The following OTUD4 variants were observed in gnomAD, a reference collection of about 807,000 sequenced individuals.
OTUD4 encodes the protein OTU domain-containing protein 4.
In OTUD4, 24 loss-of-function variants were observed where a neutral mutation model predicts 130.4. The ratio of observed to expected loss-of-function variants is 0.18; its 90% CI spans 0.13 to 0.26. OTUD4 has a LOEUF of 0.26. OTUD4 is among the 10% of genes least tolerant of loss of function. The pLI, the probability that OTUD4 is intolerant of heterozygous loss-of-function variation, is 1.00. For missense variants in OTUD4, 1,031 were observed against 1,329.4 expected (o/e 0.78, Z 3.49); for synonymous variants, 420 against 472.5 (o/e 0.89, Z 1.44).
chr4:145,167,835 G>A (rs370347772), intron 3 of OTUD4, among the ~76,000 whole-genome samples: 11 of 152,186 alleles, frequency 7.2e-5, no homozygotes, highest in South Asian at 2.1e-4. Context: ...TCCAGCCTGC[G>A]TATTAAGAGT....
chr4:145,144,065 C>A (rs1750708374), intron 15 of OTUD4, 64 bp from the exon 16 acceptor site: 3 of 1,337,938 alleles, frequency 2.2e-6, no homozygotes, highest in African/African-American at 2.9e-5. Flanking sequence ...CACAGAAGAA[C>A]AAAATACGAA....
intron 5 of OTUD4, among the ~76,000 whole-genome samples, chr4:145,163,702 C>CT (rs1560993459): frequency 2.9e-5 from 4 of 139,664 alleles, no homozygotes; most frequent in African/African-American, 1.1e-4. Context: ...TTAATAGGAA[C>CT]CTTTTTTTTT....
At chr4:145,171,380 T>C in intron 3 of OTUD4, 1 of 267,068 alleles carries the variant, frequency 3.7e-6, no homozygotes, top group Non-Finnish European at 6.9e-6. Flanking sequence ...CACACCAACG[T>C]AGCATTCTGA....
rs1158256425 is a variant in OTUD4 at position 145,180,087 on chromosome 4, C to T, written c.-114G>A. 8.2e-6 allele frequency: 7 copies of T among 856,028 alleles called. No individual in the cohort carries two copies. The South Asian group carries it at 2.1e-4, about 26-fold the overall frequency. 53.0% of individuals were successfully genotyped at this position (856,028 alleles called of 1,614,324 possible). ...GCGGCGGCTCGGGCTGGGGCTCGGG[C>T]TCCGCGAGCGGCGGCAGGCGGCGGC... On this transcript the variant is annotated 5_prime_UTR_variant, in exon 1 of 21. Transcript: ENST00000447906.
intron 13 of OTUD4, among the ~76,000 whole-genome samples, chr4:145,150,219 G>A (rs920962344): frequency 5.3e-5 from 8 of 152,060 alleles, no homozygotes; most frequent in African/African-American, 1.9e-4. Flanking sequence ...CATATTACAA[G>A]CCACCAGAAA....
At chr4:145,152,487 G>T in intron 11 of OTUD4, 54 bp downstream of exon 11, 1 of 954,094 alleles carries the variant, frequency 1.0e-6, no homozygotes, top group Non-Finnish European at 1.7e-6. Context: ...AAATGCTCAT[G>T]ATTAGGCTAA....
At position 145,164,289 on chromosome 4, in the gene OTUD4, T is replaced by A. The variant is rs1451102267; in HGVS notation, c.342-63A>T. 3 of 776,106 alleles carry A rather than the reference T, an allele frequency of 3.9e-6. No homozygotes were observed. The East Asian group carries it at 8.5e-5, about 22-fold the overall frequency. 48.1% of individuals were successfully genotyped at this position (776,106 alleles called of 1,614,324 possible). ...TACTTCATGAATTTGAATTTAATCA[T>A]TCATTCATTCATCAAGGGCCTAATA... On this transcript the variant is annotated intron_variant, in intron 4 of 20. Coordinates refer to ENST00000447906, the MANE Select transcript of OTUD4 (RefSeq NM_001366057.1).
In OTUD4 at chr4:145,150,901, T is replaced by G. The variant is rs1280480565; in HGVS notation, c.973A>C (p.Thr325Pro). 6.2e-7 allele frequency: 1 copy of G among 1,608,638 alleles called. No homozygotes were observed. The highest frequency in any genetic ancestry group is 8.5e-7 in the Non-Finnish European group (1 of 1,176,380). Reference sequence around the variant, plus strand: ...GGAGGTGCCTTGAGGTTCTTTGATGTGTGCCTTCAAAGGGGAAAAGACTTG... The same window carrying G: ...GGAGGTGCCTTGAGGTTCTTTGATGGGTGCCTTCAAAGGGGAAAAGACTTG... ...VLVEELGKKH[T>P]SKNLKAPPPE... The change falls in exon 12 of 21, where the codon ACA becomes CCA. Residue 325 changes from threonine to proline, a missense_variant. Physicochemically the swap from Thr to Pro is conservative, Grantham distance 38. Coordinates refer to ENST00000447906, the MANE Select transcript of OTUD4 (RefSeq NM_001366057.1).
At chr4:145,149,502 G>A (rs940538113) in intron 13 of OTUD4, 2 of 152,148 alleles carry the variant, frequency 1.3e-5, no homozygotes, top group Non-Finnish European at 2.9e-5. Context: ...TCTTGAAGAC[G>A]CTACATAAAA....
chr4:145,179,546 A>G, intron 1 of OTUD4: 3 of 1,176,054 alleles, frequency 2.6e-6, no homozygotes, highest in South Asian at 1.9e-5. Flanking sequence ...ACAAGCTCCG[A>G]GCAGGCCTCA....
At chr4:145,158,411 G>A (rs1271140317) in intron 7 of OTUD4, among the ~76,000 whole-genome samples, 1 of 151,944 alleles carries the variant, frequency 6.6e-6, no homozygotes, top group Non-Finnish European at 1.5e-5. Flanking sequence ...GAACCCAGAA[G>A]GCAGAGCTTG....
intron 13 of OTUD4, among the ~76,000 whole-genome samples, chr4:145,148,717 G>C (rs912369959): frequency 2.9e-4 from 44 of 152,164 alleles, no homozygotes; most frequent in African/African-American, 1.0e-3. Flanking sequence ...TGTGTTCAAG[G>C]AAAAAGAATA....
chr4:145,167,883 T>C (rs1751956022), intron 3 of OTUD4, among the ~76,000 whole-genome samples: 1 of 152,004 alleles, frequency 6.6e-6, no homozygotes, highest in Non-Finnish European at 1.5e-5. Context: ...AATGAAAAAT[T>C]CTATCCATCT....
At chr4:145,147,099 A>G (rs747609853) in intron 13 of OTUD4, among the ~76,000 whole-genome samples, 6 of 152,242 alleles carry the variant, frequency 3.9e-5, no homozygotes, top group Non-Finnish European at 7.3e-5. Context: ...TATATGGCTT[A>G]TAACTATCAA....
rs1425859362 is a variant in OTUD4, at chr4:145,135,958, C to T, written c.*1472G>A. ...GTCAAATTCAAGTGAATTGTATTTT[C>T]TTAAGTAATTTGCTTTACAAAAAAA... On this transcript the variant is annotated 3_prime_UTR_variant, in exon 21 of 21. Coordinates refer to ENST00000447906, the MANE Select transcript of OTUD4 (RefSeq NM_001366057.1). The T allele has an allele frequency of 6.6e-6, 1 of 152,592 alleles. No individual in the cohort carries two copies. The highest frequency in any genetic ancestry group is 1.5e-5 in the Non-Finnish European group (1 of 68,010). The allele number at this position is 152,592 out of a possible 1,614,324, so 9.5% of individuals were successfully genotyped here.
intron 7 of OTUD4, among the ~76,000 whole-genome samples, chr4:145,156,267 T>TA (rs1359350955): frequency 2.0e-5 from 3 of 152,218 alleles, no homozygotes; most frequent in Admixed American, 6.5e-5. Context: ...GTGGGTAGAA[T>TA]AATTGAATTT....
intron 7 of OTUD4, 97 bp downstream of exon 7, chr4:145,159,406 A>G: frequency 1.3e-6 from 2 of 1,586,850 alleles, no homozygotes; most frequent in Non-Finnish European, 1.7e-6. Context: ...TAATACCTCA[A>G]TATATGTTAT....
chr4:145,138,898 G>A (rs1750419269), intron 20 of OTUD4, among the ~76,000 whole-genome samples: 1 of 152,204 alleles, frequency 6.6e-6, no homozygotes, highest in Non-Finnish European at 1.5e-5. Flanking sequence ...GTTGATAGGA[G>A]ATAGTATCTC....
At chr4:145,161,239 G>C (rs537507785) in intron 6 of OTUD4, among the ~76,000 whole-genome samples, 3 of 152,100 alleles carry the variant, frequency 2.0e-5, no homozygotes, top group South Asian at 2.1e-4. Context: ...TGCAGCCCTC[G>C]TATCACCCAA....
Sources: allele counts gnomAD v4.1 joint callset (sites outside exome capture counted in the v4.1 genomes callset), GRCh38; gene constraint gnomAD v4.1.1; transcripts MANE v1.5; gene names NCBI Gene and HGNC (gene_info 2026-07-23, HGNC 2026-07-21).